PLCB4: variants seen among roughly 807,000 people sequenced by gnomAD.
PLCB4 encodes 1-phosphatidylinositol 4,5-bisphosphate phosphodiesterase beta-4.
PLCB4 carries 77 observed loss-of-function variants against 178.8 expected under a neutral mutation model. The observed-to-expected ratio is 0.43, with a 90% CI of 0.36 to 0.52. The LOEUF is 0.52. Ranked by LOEUF, PLCB4 falls within the 20% of genes least tolerant of loss-of-function variation. PLCB4 has a pLI of 0.00. For synonymous variants in PLCB4, 496 were observed against 490.8 expected (o/e 1.01, Z -0.14); for missense variants, 1,024 against 1,453.4 (o/e 0.70, Z 4.80).
chr20:9,237,915 A>G (rs1384889839), intron 3 of PLCB4, among the ~76,000 whole-genome samples: 2 of 152,156 alleles, frequency 1.3e-5, no homozygotes, highest in African/African-American at 2.4e-5. Flanking sequence ...CTTTGGAGAC[A>G]CATCATGGTG....
At chr20:9,281,240 C>T (rs948372936) in intron 3 of PLCB4, among the ~76,000 whole-genome samples, 2 of 151,914 alleles carry the variant, frequency 1.3e-5, no homozygotes, top group Non-Finnish European at 2.9e-5. Context: ...ATCTGCAAAA[C>T]AGACACAATA....
intron 3 of PLCB4, among the ~76,000 whole-genome samples, chr20:9,305,415 C>A (rs1483237198): frequency 1.3e-5 from 2 of 151,926 alleles, no homozygotes; most frequent in African/African-American, 2.4e-5. Flanking sequence ...TGTTCCCTTC[C>A]CAAAATGGTT....
Position 9,459,778 on chromosome 20 carries a change from G to C in PLCB4, c.3216G>C (p.Gln1072His). Reference sequence around the variant, plus strand: ...AGCTACTCATCAATGCCCACGAGCAGCAAACCCAGCAGCTGAAACTGTCCC... The same window carrying C: ...AGCTACTCATCAATGCCCACGAGCACCAAACCCAGCAGCTGAAACTGTCCC... ...LKKLLINAHE[Q>H]QTQQLKLSHD... Residue 1072 changes from glutamine to histidine, a missense_variant, in exon 35 of 40, where the codon CAG becomes CAC. Gln to His is a conservative substitution (Grantham distance 24). This residue lies in a region of PLCB4 where 264 missense variants were observed against 283.2 expected (regional missense o/e 0.93). Coordinates refer to ENST00000378473, the MANE Select transcript of PLCB4 (RefSeq NM_001377142.1). 1.2e-6 allele frequency: 2 copies of C among 1,611,168 alleles called. No individual in the cohort carries two copies. Among genetic ancestry groups the C allele is most frequent in the South Asian group, 2.2e-5 (2 of 90,974 alleles).
intron 3 of PLCB4, among the ~76,000 whole-genome samples, chr20:9,225,377 A>T (rs1313445351): frequency 6.7e-6 from 1 of 150,314 alleles, no homozygotes; most frequent in Non-Finnish European, 1.5e-5. Flanking sequence ...TGAACTTTTT[A>T]AAAGGTTGTA....
chr20:9,468,990 C>T (rs563213729), intron 36 of PLCB4, among the ~76,000 whole-genome samples: 281 of 138,362 alleles, frequency 2.0e-3, no homozygotes, highest in African/African-American at 6.9e-3. Context: ...TTTTTTTTTG[C>T]TTGTTTGTTT....
At chr20:9,117,436 T>C (rs576766365) in intron 2 of PLCB4, among the ~76,000 whole-genome samples, 2 of 152,310 alleles carry the variant, frequency 1.3e-5, no homozygotes, top group East Asian at 3.9e-4. Flanking sequence ...ATTTGAATGA[T>C]GGAAATCGCA....
chr20:9,075,738 A>G (rs1294292065), intron 1 of PLCB4, among the ~76,000 whole-genome samples: 1 of 152,252 alleles, frequency 6.6e-6, no homozygotes, highest in East Asian at 1.9e-4. Flanking sequence ...CCTAGGGCCC[A>G]GGATTACCAG....
chr20:9,147,903 C>G (rs1291831621), intron 2 of PLCB4, among the ~76,000 whole-genome samples: 1 of 152,044 alleles, frequency 6.6e-6, no homozygotes, highest in African/African-American at 2.4e-5. Context: ...TAGATCCCAA[C>G]TTAGAAATTG....
chr20:9,418,773 A>C (rs777205256), intron 25 of PLCB4, among the ~76,000 whole-genome samples: 5 of 152,330 alleles, frequency 3.3e-5, no homozygotes, highest in Non-Finnish European at 7.4e-5. Context: ...CTTCCAGCTT[A>C]ACAATATGGT....
chr20:9,253,594 G>A (rs2094203839), intron 3 of PLCB4, among the ~76,000 whole-genome samples: 3 of 152,072 alleles, frequency 2.0e-5, no homozygotes, highest in South Asian at 4.2e-4. Flanking sequence ...TTTCCTTCAG[G>A]TGCTCATAAT....
rs1228158462 is a variant in PLCB4, at chr20:9,126,822, T to C, written c.-79+30480T>C. Among the ~76,000 whole-genome samples the C allele has an allele frequency of 2.0e-5, 3 of 150,142 alleles. No individual in the cohort carries two copies. The East Asian group carries it at 6.0e-4, about 30-fold the overall frequency. ...TGAAAAAAGTCTAAGAATACTGAAC[T>C]GCATCACAAAGGAAGCATTCAGTCT... is the stretch of plus-strand genomic sequence containing the variant. On this transcript the variant is annotated intron_variant, in intron 2 of 39. Coordinates refer to ENST00000378473, the MANE Select transcript of PLCB4 (RefSeq NM_001377142.1).
At chr20:9,252,212 G>A (rs2094188450) in intron 3 of PLCB4, among the ~76,000 whole-genome samples, 1 of 152,120 alleles carries the variant, frequency 6.6e-6, no homozygotes, top group Admixed American at 6.6e-5. Context: ...CATTTCACAT[G>A]TTCGGTAGCC....
intron 4 of PLCB4, among the ~76,000 whole-genome samples, chr20:9,310,786 A>G (rs1037384535): frequency 1.3e-4 from 20 of 152,314 alleles, no homozygotes; most frequent in African/African-American, 4.6e-4. Flanking sequence ...AATGTTTAAT[A>G]GGCACTGTTT....
intron 1 of PLCB4, among the ~76,000 whole-genome samples, chr20:9,088,548 T>C (rs779659091): frequency 2.0e-5 from 3 of 152,204 alleles, no homozygotes; most frequent in African/African-American, 4.8e-5. Flanking sequence ...TAATGAGAAA[T>C]ACTAAGTACC....
intron 2 of PLCB4, among the ~76,000 whole-genome samples, chr20:9,130,911 C>T (rs1473301075): frequency 6.6e-6 from 1 of 152,130 alleles, no homozygotes; most frequent in East Asian, 1.9e-4. Flanking sequence ...AAAATGAAGT[C>T]CATTCTTCTT....
intron 30 of PLCB4, among the ~76,000 whole-genome samples, chr20:9,442,893 A>C (rs569098995): frequency 6.6e-6 from 1 of 152,314 alleles, no homozygotes; most frequent in East Asian, 1.9e-4. Context: ...AAAATGAATA[A>C]AAGGGAAAAA....
chr20:9,110,600 G>C (rs764242606), intron 2 of PLCB4, among the ~76,000 whole-genome samples: 12 of 152,078 alleles, frequency 7.9e-5, no homozygotes, highest in Non-Finnish European at 1.5e-4. Context: ...TATTTTCATA[G>C]GACACCAGAA....
In PLCB4 at chr20:9,376,877, C is replaced by T. The variant is rs897144772; in HGVS notation, c.745-3177C>T. 5.3e-5 allele frequency among the ~76,000 whole-genome samples: 8 copies of T among 152,006 alleles called. No individual in the cohort carries two copies. In the South Asian group the frequency reaches 8.3e-4, roughly 16 times the overall value. On this transcript the variant is annotated intron_variant, in intron 12 of 39. Transcript: ENST00000378473. ...TACTTTCTTGTTGCTGGTAATCTTC[C>T]CCCTTCCTCACACATATCATAGGAT...
chr20:9,196,529 G>T (rs527892891), intron 2 of PLCB4, among the ~76,000 whole-genome samples: 1 of 152,256 alleles, frequency 6.6e-6, no homozygotes, highest in African/African-American at 2.4e-5. Context: ...GTAGGAATTG[G>T]TGTTCAGAAT....
Sources: gnomAD v4.1 joint callset for allele counts (sites outside exome capture counted in the v4.1 genomes callset) on GRCh38, gnomAD v4.1.1 for gene constraint, gnomAD v4.1.1 regional missense constraint, MANE v1.5 for transcripts, NCBI Gene and HGNC (gene_info 2026-07-23, HGNC 2026-07-21) for gene names.